AUTS2: variants seen among roughly 807,000 people sequenced by gnomAD.
The protein encoded by AUTS2 is activator of transcription and developmental regulator AUTS2.
Under a neutral mutation model 112.4 loss-of-function variants are expected in AUTS2, and 17 were observed. That is an observed-to-expected ratio of 0.15 (90% confidence interval 0.10 to 0.23). The LOEUF is 0.23. Ranked by LOEUF, AUTS2 falls within the 10% of genes least tolerant of loss-of-function variation. The pLI is 1.00. For synonymous variants in AUTS2, 751 were observed against 702.7 expected, an observed-to-expected ratio of 1.07 and a Z score of -1.09; for missense variants, 1,510 against 1,701.6, an observed-to-expected ratio of 0.89 and a Z score of 1.98.
chr7:70,642,995 C>T (rs987224604), intron 5 of AUTS2, among the ~76,000 whole-genome samples: 8 of 152,350 alleles, frequency 5.3e-5, no homozygotes, highest in Non-Finnish European at 8.8e-5. Flanking sequence ...TGAAATGTTA[C>T]GACCACCCTT....
At chr7:70,225,587 A>T (rs1362258750) in intron 4 of AUTS2, among the ~76,000 whole-genome samples, 1 of 152,170 alleles carries the variant, frequency 6.6e-6, no homozygotes, top group Non-Finnish European at 1.5e-5. Flanking sequence ...GGTTAGGAAG[A>T]TGTTGGTCCT....
intron 5 of AUTS2, among the ~76,000 whole-genome samples, chr7:70,473,712 CTTTTT>C (rs112680628): frequency 7.7e-6 from 1 of 130,590 alleles, no homozygotes; most frequent in African/African-American, 2.8e-5. Flanking sequence ...TTTGGTGGGG[CTTTTT>C]TTTTTTTTTT....
At chr7:69,733,530 A>G (rs912384764) in intron 1 of AUTS2, among the ~76,000 whole-genome samples, 1 of 152,184 alleles carries the variant, frequency 6.6e-6, no homozygotes, top group African/African-American at 2.4e-5. Context: ...GGAGTGTTCA[A>G]GGGCATACGT....
chr7:69,949,065 C>T (rs900701864), intron 2 of AUTS2, among the ~76,000 whole-genome samples: 21 of 152,104 alleles, frequency 1.4e-4, no homozygotes, highest in African/African-American at 4.8e-4. Flanking sequence ...CCTTGGCCTC[C>T]CAAAATGCTA....
At chr7:70,247,947 T>C (rs1378321937) in intron 4 of AUTS2, among the ~76,000 whole-genome samples, 1 of 152,224 alleles carries the variant, frequency 6.6e-6, no homozygotes, top group East Asian at 1.9e-4. Context: ...ATTTTTATCA[T>C]GAATGACTGT....
chr7:70,696,387 C>T (rs549125225), intron 5 of AUTS2, among the ~76,000 whole-genome samples: 80 of 152,150 alleles, frequency 5.3e-4, no homozygotes, highest in Non-Finnish European at 1.0e-3. Flanking sequence ...TTCTGAGACA[C>T]CCCCTTTCCC....
intron 1 of AUTS2, among the ~76,000 whole-genome samples, chr7:69,712,212 CT>C (rs201031892): frequency 6.9e-4 from 105 of 152,142 alleles, no homozygotes; most frequent in African/African-American, 2.4e-3. Flanking sequence ...CCTCTGAATT[CT>C]TTTTTTAAAA....
intron 1 of AUTS2, among the ~76,000 whole-genome samples, chr7:69,635,555 GGATTAAT>G (rs1794481060): frequency 6.6e-6 from 1 of 152,196 alleles, no homozygotes; most frequent in South Asian, 2.1e-4. Flanking sequence ...GAGGGCACCT[GGATTAAT>G]GTTCTGGGCC....
chr7:70,655,230 C>T (rs1806709025), intron 5 of AUTS2, among the ~76,000 whole-genome samples: 1 of 152,228 alleles, frequency 6.6e-6, no homozygotes, highest in Non-Finnish European at 1.5e-5. Flanking sequence ...ACAGGCCCCT[C>T]AGAACTTGGG....
Position 70,102,774 on chromosome 7 carries a change from A to C in AUTS2, c.523-15358A>C, listed in dbSNP as rs865785799. Among the ~76,000 whole-genome samples the C allele has an allele frequency of 3.3e-5, 5 of 152,074 alleles. No individual in the cohort carries two copies. In the South Asian group the frequency reaches 1.0e-3, roughly 32 times the overall value. On this transcript the variant is annotated intron_variant, in intron 2 of 18. Transcript: ENST00000342771. ...TTTTTTCCATCATTAATTTAATCCA[A>C]ATTTCTTTAAGATGGCTAAGGTAAA...
At chr7:70,629,252 C>T (rs1805128643) in intron 5 of AUTS2, among the ~76,000 whole-genome samples, 1 of 152,262 alleles carries the variant, frequency 6.6e-6, no homozygotes, top group Admixed American at 6.5e-5. Context: ...GGGAGGATCA[C>T]CTGAGCTCAA....
At chr7:70,132,534 G>A (rs1283742869) in intron 3 of AUTS2, among the ~76,000 whole-genome samples, 3 of 152,172 alleles carry the variant, frequency 2.0e-5, no homozygotes, top group Non-Finnish European at 4.4e-5. Flanking sequence ...CGCCAGGCAT[G>A]AAATTAAATA....
chr7:70,132,959 G>T (rs557344553), intron 3 of AUTS2, among the ~76,000 whole-genome samples: 33 of 152,280 alleles, frequency 2.2e-4, no homozygotes, highest in Non-Finnish European at 1.3e-4. Flanking sequence ...TTCTGCTGCT[G>T]CATGGAGGGC....
At chr7:70,657,425 TA>T (rs1286914071) in intron 5 of AUTS2, among the ~76,000 whole-genome samples, 1 of 152,176 alleles carries the variant, frequency 6.6e-6, no homozygotes, top group African/African-American at 2.4e-5. Flanking sequence ...TAGGGATCAT[TA>T]TGGAGCTCTT....
intron 1 of AUTS2, among the ~76,000 whole-genome samples, chr7:69,850,568 T>C (rs1299910933): frequency 6.6e-6 from 1 of 152,134 alleles, no homozygotes; most frequent in Non-Finnish European, 1.5e-5. Flanking sequence ...TGTAATGATA[T>C]CTCATTGTGA....
At chr7:70,061,804 G>A (rs555412154) in intron 2 of AUTS2, among the ~76,000 whole-genome samples, 14 of 149,306 alleles carry the variant, frequency 9.4e-5, no homozygotes, top group African/African-American at 2.7e-4. Context: ...TTGCTCCCCC[G>A]GAGACGGAGT....
chr7:70,334,676 C>T (rs1390067813), intron 4 of AUTS2, among the ~76,000 whole-genome samples: 1 of 152,164 alleles, frequency 6.6e-6, no homozygotes, highest in African/African-American at 2.4e-5. Context: ...CTTCACTTCT[C>T]TTCCTTCTAT....
intron 6 of AUTS2, among the ~76,000 whole-genome samples, chr7:70,734,266 C>T (rs1302162437): frequency 5.3e-5 from 8 of 151,804 alleles, no homozygotes; most frequent in Non-Finnish European, 1.0e-4. Flanking sequence ...AGTGAAACCC[C>T]GTCTCTAGTA....
chr7:70,316,399 A>ATTTTT (rs398005114), intron 4 of AUTS2, among the ~76,000 whole-genome samples: 3 of 92,742 alleles, frequency 3.2e-5, no homozygotes, highest in African/African-American at 4.3e-5. Flanking sequence ...CCAGGTCTCT[A>ATTTTT]TTTTTTTTTT....
Sources: allele counts gnomAD v4.1 joint callset (sites outside exome capture counted in the v4.1 genomes callset), GRCh38; gene constraint gnomAD v4.1.1; transcripts MANE v1.5; gene names NCBI Gene and HGNC (gene_info 2026-07-23, HGNC 2026-07-21).